ZNF99: variants seen among roughly 807,000 people sequenced by gnomAD.
ZNF99 encodes the protein zinc finger protein 99.
In ZNF99, 8 loss-of-function variants were observed where a neutral mutation model predicts 12.8. The ratio of observed to expected loss-of-function variants is 0.62; its 90% CI spans 0.37 to 1.13. The LOEUF (loss-of-function observed/expected upper bound fraction) is 1.13, where lower values mean the gene tolerates loss of function less well. Ranked by LOEUF, ZNF99 falls within the 50% of genes most tolerant of loss-of-function variation. The pLI is 0.02. For missense variants in ZNF99, 1,007 were observed against 1,006.2 expected (o/e 1.00, Z -0.01); for synonymous variants, 318 against 319.0 (o/e 1.00, Z 0.03).
At chr19:22,763,482 T>C (rs1054682230) in intron 3 of ZNF99, among the ~76,000 whole-genome samples, 7 of 151,928 alleles carry the variant, frequency 4.6e-5, no homozygotes, top group African/African-American at 1.4e-4. Flanking sequence ...AAATCACAGA[T>C]GACACAAACA....
At chr19:22,770,071 A>G in intron 1 of ZNF99, 1 of 1,193,668 alleles carries the variant, frequency 8.4e-7, no homozygotes, top group Non-Finnish European at 1.1e-6. Context: ...ATCTGGAATA[A>G]AGTCTGAGTT....
intron 3 of ZNF99, among the ~76,000 whole-genome samples, chr19:22,764,197 G>A (rs1392526483): frequency 3.3e-5 from 5 of 151,990 alleles, no homozygotes; most frequent in South Asian, 2.1e-4. Context: ...ATGAGCCACC[G>A]CGCCTGGCCA....
intron 1 of ZNF99, among the ~76,000 whole-genome samples, chr19:22,771,709 T>G (rs1599447215): frequency 2.3e-5 from 3 of 131,304 alleles, no homozygotes; most frequent in Admixed American, 8.1e-5. Flanking sequence ...CAACCACAGG[T>G]GAAACTTTTT....
In ZNF99 at chr19:22,780,662, G is replaced by A. The variant is rs1260216432; in HGVS notation, c.3+3352C>T. ...GCCAAGATCGTGCCATTGCACTCCA[G>A]CCTGGGCAACAAGAATGAAACTCTG... On this transcript the variant is annotated intron_variant, in intron 1 of 3. Transcript: ENST00000596209. Among the ~76,000 whole-genome samples the A allele has an allele frequency of 2.0e-5, 3 of 148,122 alleles. No individual in the cohort carries two copies. In the East Asian group the frequency reaches 5.9e-4, roughly 29 times the overall value.
chr19:22,756,578 G>GA lies in ZNF99; in HGVS notation c.*735_*736insT. 6.2e-7 allele frequency: 1 copy of GA among 1,600,016 alleles called. No individual in the cohort carries two copies. Among genetic ancestry groups the GA allele is most frequent in the East Asian group, 2.3e-5 (1 of 44,396 alleles). Reference sequence around the variant, plus strand: ...GTATGAATTGATTTATGTTTAGTAAGGTGTGAGGATTGCTTAAAAGCTTTG... The same window carrying GA: ...GTATGAATTGATTTATGTTTAGTAAGAGTGTGAGGATTGCTTAAAAGCTTTG... On this transcript the variant is annotated 3_prime_UTR_variant, in exon 4 of 4. Transcript: ENST00000596209.
Position 22,754,743 on chromosome 19 carries a change from G to C in ZNF99, c.*2571C>G. 3.8e-6 allele frequency: 1 copy of C among 265,510 alleles called. No homozygotes were observed. Among genetic ancestry groups the C allele is most frequent in the Non-Finnish European group, 7.5e-6 (1 of 133,552 alleles). 16.4% of individuals were successfully genotyped at this position (265,510 alleles called of 1,614,324 possible). On this transcript the variant is annotated 3_prime_UTR_variant, in exon 4 of 4. Transcript: ENST00000596209. The stretch of plus-strand genomic sequence containing the variant: ...CTTTGCAACATTCTTCACGTTTGTA[G>C]GGTTTCTCTTCAGTATAAATTGTTT...
In ZNF99 at chr19:22,777,512, T is replaced by TA. The variant is rs200173179; in HGVS notation, c.3+6501dup. 7.2e-3 allele frequency among the ~76,000 whole-genome samples: 1,092 copies of TA among 152,308 alleles called. 4 individuals are homozygous for TA. The highest frequency in any genetic ancestry group is 0.017 in the Middle Eastern group (5 of 294). On this transcript the variant is annotated intron_variant, in intron 1 of 3. Transcript: ENST00000596209. ...CCTCTATGTAACAAACCTACACATG[T>TA]ACTCCTGAATCAAAAATAAAAGTTA...
intron 2 of ZNF99, among the ~76,000 whole-genome samples, chr19:22,768,858 C>A (rs564444770): frequency 6.6e-6 from 1 of 152,032 alleles, no homozygotes; most frequent in Non-Finnish European, 1.5e-5. Context: ...GGAGAAACCC[C>A]GTCTCTGCTA....
chr19:22,772,373 A>T (rs1230673147), intron 1 of ZNF99, among the ~76,000 whole-genome samples: 1 of 152,194 alleles, frequency 6.6e-6, no homozygotes, highest in Non-Finnish European at 1.5e-5. Context: ...GCTTCAAAAG[A>T]TGAATACATA....
rs762077876 is a variant in ZNF99 at position 22,758,556 on chromosome 19, T to C, written c.1353A>G (p.Gln451=). ...TGCTGCATTCTTCACATTTGTAGGGTTGCTTTCCAGTATGAATTATCTTAT... is the reference window on the plus strand; with the variant it reads ...TGCTGCATTCTTCACATTTGTAGGGCTGCTTTCCAGTATGAATTATCTTAT... ...RKHKIIHTGK[Q]PYKCEECSKA... is the part of the protein sequence containing the mutation. Residue 451 remains glutamine (Q), a synonymous_variant, in exon 4 of 4, where the codon CAA becomes CAG. Coordinates refer to ENST00000596209, the MANE Select transcript of ZNF99 (RefSeq NM_001080409.3). 31 of 1,612,954 alleles carry C rather than the reference T, an allele frequency of 1.9e-5. No individual in the cohort carries two copies. Among genetic ancestry groups the C allele is most frequent in the Middle Eastern group, 1.6e-4 (1 of 6,074 alleles).
In ZNF99 at chr19:22,759,265, G is replaced by A; in HGVS notation, c.644C>T (p.Thr215Ile). ...ATGAATTATCTTATGTTTAATAAGG[G>A]TTGAGAACCATTTAAAGGCTTTGCC... ...ERGKAFKWFS[T>I]LIKHKIIHTE... Residue 215 changes from threonine to isoleucine, a missense_variant, in exon 4 of 4, where the codon ACC (threonine) becomes ATC (isoleucine). Physicochemically the swap from Thr to Ile is moderately conservative, Grantham distance 89. Coordinates refer to ENST00000596209, the MANE Select transcript of ZNF99 (RefSeq NM_001080409.3). 2 of 1,552,078 alleles carry A rather than the reference G, an allele frequency of 1.3e-6. No individual in the cohort carries two copies. Among genetic ancestry groups the A allele is most frequent in the Non-Finnish European group, 1.7e-6 (2 of 1,149,218 alleles).
chr19:22,759,917 C>T (rs1973131961), intron 3 of ZNF99, among the ~76,000 whole-genome samples: 1 of 152,112 alleles, frequency 6.6e-6, no homozygotes, highest in South Asian at 2.1e-4. Flanking sequence ...AAGTACAATG[C>T]AAACAGCCAC....
chr19:22,776,719 G>A (rs1209680385), intron 1 of ZNF99, among the ~76,000 whole-genome samples: 1,126 of 139,476 alleles, frequency 8.1e-3, no homozygotes, highest in Middle Eastern at 0.011. Flanking sequence ...CTCATAATTG[G>A]GTATATACCC....
chr19:22,768,744 C>G (rs1315620174), intron 2 of ZNF99, among the ~76,000 whole-genome samples: 4 of 151,982 alleles, frequency 2.6e-5, no homozygotes, highest in Non-Finnish European at 4.4e-5. Context: ...TTAAAAAATT[C>G]CTTTCTGGCC....
chr19:22,779,361 T>C (rs1467636981), intron 1 of ZNF99, among the ~76,000 whole-genome samples: 1 of 151,918 alleles, frequency 6.6e-6, no homozygotes, highest in East Asian at 1.9e-4. Flanking sequence ...CGGTCTCTAC[T>C]AAAAACACAA....
Position 22,773,491 on chromosome 19 carries a change from C to T in ZNF99, c.4-4167G>A, listed in dbSNP as rs370166871. On this transcript the variant is annotated intron_variant, in intron 1 of 3. Transcript: ENST00000596209. ...TGTCATACATAGTTATTCCTAAATT[C>T]ACCTGGTAATTGAAAAGGCTAGCCA... is the stretch of plus-strand genomic sequence containing the variant. Among the ~76,000 whole-genome samples, 9 of 152,286 alleles carry T rather than the reference C, an allele frequency of 5.9e-5. 1 individual carries two copies. In the South Asian group the frequency reaches 1.9e-3, roughly 32 times the overall value.
At chr19:22,783,867 G>A in intron 1 of ZNF99, 147 bp downstream of exon 1, 1 of 1,058,796 alleles carries the variant, frequency 9.4e-7, no homozygotes, top group East Asian at 2.4e-5. Context: ...TCTTATGGCT[G>A]AAGGAGACTG....
chr19:22,754,476 ATTC>A lies in ZNF99; in HGVS notation c.*2835_*2837del, dbSNP rs1973018714. The A allele has an allele frequency of 2.4e-6, 1 of 412,108 alleles. No homozygotes were observed. Among genetic ancestry groups the A allele is most frequent in the Non-Finnish European group, 4.8e-6 (1 of 209,822 alleles). 25.5% of individuals were successfully genotyped at this position (412,108 alleles called of 1,614,324 possible). A position where few individuals can be genotyped will look rare whatever the true frequency, so the allele number is the denominator to read the frequency against. ...GAAATGTTTTTAAAGCTTTTGTCACATTCTTCATATTTATAAAATTTATCTTCT... is the reference window on the plus strand; with the variant it reads ...GAAATGTTTTTAAAGCTTTTGTCACATTCATATTTATAAAATTTATCTTCT... On this transcript the variant is annotated 3_prime_UTR_variant, in exon 4 of 4. Transcript: ENST00000596209.
intron 1 of ZNF99, among the ~76,000 whole-genome samples, chr19:22,775,976 T>C (rs1270776404): frequency 6.6e-6 from 1 of 152,052 alleles, no homozygotes; most frequent in Non-Finnish European, 1.5e-5. Context: ...GTGCCGAGAC[T>C]GTGCCACTGC....
Sources: gnomAD v4.1 joint callset for allele counts (sites outside exome capture counted in the v4.1 genomes callset) on GRCh38, gnomAD v4.1.1 for gene constraint, MANE v1.5 for transcripts, NCBI Gene and HGNC (gene_info 2026-07-23, HGNC 2026-07-21) for gene names.